Variants in PAX5 observed in about 807,000 individuals in gnomAD.
PAX5 encodes the protein paired box 5.
PAX5 carries 9 observed loss-of-function variants against 43.7 expected under a neutral mutation model. The ratio of observed to expected loss-of-function variants is 0.21; its 90% CI spans 0.12 to 0.36. The LOEUF is 0.36. Ranked by LOEUF, PAX5 falls within the 10% of genes least tolerant of loss-of-function variation. The pLI, the probability that PAX5 is intolerant of heterozygous loss-of-function variation, is 1.00. For synonymous variants in PAX5, 228 were observed against 214.3 expected (o/e 1.06, Z -0.56); for missense variants, 383 against 532.7 (o/e 0.72, Z 2.77).
Position 36,915,479 on chromosome 9 carries a change from C to T in PAX5, c.910+7876G>A, listed in dbSNP as rs1053402531. Among the ~76,000 whole-genome samples the T allele has an allele frequency of 5.9e-5, 9 of 152,094 alleles. No individual in the cohort carries two copies. In the South Asian group the frequency reaches 1.2e-3, roughly 21 times the overall value. On this transcript the variant is annotated intron_variant, in intron 7 of 9. Coordinates refer to ENST00000358127, the MANE Select transcript of PAX5 (RefSeq NM_016734.3). Reference sequence around the variant, plus strand: ...ACGTTTTCATATACTGCTGGGCATCCGCATTTTTTCCCAATGAAAAGATGT... The same window carrying T: ...ACGTTTTCATATACTGCTGGGCATCTGCATTTTTTCCCAATGAAAAGATGT...
intron 5 of PAX5, among the ~76,000 whole-genome samples, chr9:37,002,290 C>T (rs902691652): frequency 2.6e-5 from 4 of 152,184 alleles, no homozygotes; most frequent in Non-Finnish European, 5.9e-5. Flanking sequence ...ACAAAGTGGA[C>T]TTGGGTGTGG....
At chr9:36,981,746 A>C (rs1022312778) in intron 5 of PAX5, among the ~76,000 whole-genome samples, 4 of 152,258 alleles carry the variant, frequency 2.6e-5, no homozygotes, top group Non-Finnish European at 5.9e-5. Flanking sequence ...GGTGGAGCAC[A>C]GAGAGCAAGC....
Position 36,921,222 on chromosome 9 carries a change from A to G in PAX5, c.910+2133T>C, listed in dbSNP as rs1053794310. 4.6e-5 allele frequency among the ~76,000 whole-genome samples: 7 copies of G among 152,336 alleles called. No individual in the cohort carries two copies. The South Asian group carries it at 1.5e-3, about 32-fold the overall frequency. On this transcript the variant is annotated intron_variant, in intron 7 of 9. Transcript: ENST00000358127. The stretch of plus-strand genomic sequence containing the variant: ...GAACCAAACCCACAATGTCTCCAAG[A>G]TAAGCCTATAACATCTTCTTGTGAT...
At chr9:36,933,456 C>T (rs1219612782) in intron 6 of PAX5, among the ~76,000 whole-genome samples, 1 of 152,206 alleles carries the variant, frequency 6.6e-6, no homozygotes, top group South Asian at 2.1e-4. Context: ...AAAGTCCTTG[C>T]AGGTCCGTGG....
chr9:36,883,565 G>T (rs1826642787), intron 7 of PAX5, among the ~76,000 whole-genome samples: 1 of 152,126 alleles, frequency 6.6e-6, no homozygotes, highest in Non-Finnish European at 1.5e-5. Flanking sequence ...CAGCTACTCG[G>T]GAGGCTGAGG....
At chr9:36,960,747 C>G (rs1412756739) in intron 6 of PAX5, among the ~76,000 whole-genome samples, 1 of 152,216 alleles carries the variant, frequency 6.6e-6, no homozygotes, top group African/African-American at 2.4e-5. Flanking sequence ...TGCTCCTCCA[C>G]CCCATTGTAC....
At chr9:36,955,627 A>T (rs570631979) in intron 6 of PAX5, among the ~76,000 whole-genome samples, 1 of 152,000 alleles carries the variant, frequency 6.6e-6, no homozygotes, top group Non-Finnish European at 1.5e-5. Flanking sequence ...CAACATCAGC[A>T]TCAAAACCCC....
At chr9:36,940,615 A>G (rs564839015) in intron 6 of PAX5, among the ~76,000 whole-genome samples, 1 of 152,168 alleles carries the variant, frequency 6.6e-6, no homozygotes, top group South Asian at 2.1e-4. Flanking sequence ...AGGGGAAAAC[A>G]GGCCCTCTAG....
intron 5 of PAX5, among the ~76,000 whole-genome samples, chr9:36,991,867 T>C (rs1334178864): frequency 2.6e-5 from 4 of 152,214 alleles, no homozygotes; most frequent in Non-Finnish European, 5.9e-5. Flanking sequence ...CTCTCATAGA[T>C]CAGTTAATTT....
chr9:36,974,132 A>G (rs940226564), intron 5 of PAX5, among the ~76,000 whole-genome samples: 3 of 152,166 alleles, frequency 2.0e-5, no homozygotes, highest in Non-Finnish European at 2.9e-5. Flanking sequence ...GTGAGCTACA[A>G]TGGTGCCACT....
intron 8 of PAX5, among the ~76,000 whole-genome samples, chr9:36,858,857 G>C (rs78846971): frequency 0.024 from 3,586 of 152,246 alleles, 60 homozygotes; most frequent in Middle Eastern, 0.051. Flanking sequence ...GCTCTGCTGG[G>C]CTCAGCGCTG....
chr9:36,907,477 G>A (rs1244364117), intron 7 of PAX5, among the ~76,000 whole-genome samples: 1 of 152,164 alleles, frequency 6.6e-6, no homozygotes, highest in East Asian at 1.9e-4. Context: ...TGGATGCCAA[G>A]GTGCCCTGTC....
chr9:37,007,729 TC>T (rs1167601077), intron 3 of PAX5: 1 of 152,256 alleles, frequency 6.6e-6, no homozygotes, highest in Admixed American at 6.5e-5. Context: ...CATTGTAGAC[TC>T]TTTGGACAGT....
intron 1 of PAX5, among the ~76,000 whole-genome samples, chr9:37,025,040 A>G (rs1840199833): frequency 6.6e-6 from 1 of 152,138 alleles, no homozygotes; most frequent in African/African-American, 2.4e-5. Context: ...TCCTCCCCAG[A>G]GCCAGGCTGG....
At chr9:36,869,784 G>T (rs1235491875) in intron 8 of PAX5, among the ~76,000 whole-genome samples, 3 of 152,220 alleles carry the variant, frequency 2.0e-5, no homozygotes, top group Non-Finnish European at 2.9e-5. Flanking sequence ...GGAAGGAAGC[G>T]ATAGTGGATG....
chr9:36,916,934 C>T (rs1014959192), intron 7 of PAX5, among the ~76,000 whole-genome samples: 2 of 152,158 alleles, frequency 1.3e-5, no homozygotes, highest in Non-Finnish European at 2.9e-5. Flanking sequence ...ATCCGCCTGC[C>T]TTGGTCTCCC....
intron 5 of PAX5, among the ~76,000 whole-genome samples, chr9:36,980,628 T>C (rs911277972): frequency 1.3e-5 from 2 of 152,130 alleles, no homozygotes; most frequent in Admixed American, 6.5e-5. Flanking sequence ...AGGAGGGTCA[T>C]ACAGTCTAAT....
chr9:36,991,261 G>A (rs1037854863), intron 5 of PAX5, among the ~76,000 whole-genome samples: 37 of 152,250 alleles, frequency 2.4e-4, no homozygotes, highest in African/African-American at 8.4e-4. Context: ...ACAGATGTGA[G>A]AAGTGACCTA....
intron 9 of PAX5, among the ~76,000 whole-genome samples, chr9:36,843,847 A>C (rs4880018): frequency 0.91 from 138,999 of 152,246 alleles, 64,015 homozygotes; most frequent in East Asian, 1. Flanking sequence ...TGGGGGCAGG[A>C]CAGAGCTTCT....
Sources: gnomAD v4.1 joint callset for allele counts (sites outside exome capture counted in the v4.1 genomes callset) on GRCh38, gnomAD v4.1.1 for gene constraint, MANE v1.5 for transcripts, NCBI Gene and HGNC (gene_info 2026-07-23, HGNC 2026-07-21) for gene names.